Variants in LHPP observed in about 807,000 individuals in gnomAD.
The protein encoded by LHPP is phospholysine phosphohistidine inorganic pyrophosphate phosphatase, also known as hLHPP.
LHPP carries 24 observed loss-of-function variants against 30.3 expected under a neutral mutation model. That is an observed-to-expected ratio of 0.79 (90% CI 0.57 to 1.11). The LOEUF is 1.11. Ranked by LOEUF, LHPP falls within the 50% of genes most tolerant of loss-of-function variation. The pLI is 0.00. For synonymous variants in LHPP, 150 were observed against 157.1 expected (o/e 0.95, Z 0.34); for missense variants, 356 against 367.2 (o/e 0.97, Z 0.25).
chr10:124,501,741 C>T (rs1953906708), intron 5 of LHPP, among the ~76,000 whole-genome samples: 1 of 151,700 alleles, frequency 6.6e-6, no homozygotes, highest in South Asian at 2.1e-4. Flanking sequence ...TATTTTACCA[C>T]AATAAACATT....
chr10:124,539,493 G>T (rs1055460972), intron 6 of LHPP, among the ~76,000 whole-genome samples: 1 of 152,160 alleles, frequency 6.6e-6, no homozygotes, highest in African/African-American at 2.4e-5. Context: ...GGGCATGGTG[G>T]CTCATGCTTG....
chr10:124,502,828 C>T (rs976193469), intron 5 of LHPP, among the ~76,000 whole-genome samples: 2 of 151,260 alleles, frequency 1.3e-5, no homozygotes, highest in African/African-American at 2.5e-5. Flanking sequence ...AGGCACCTGC[C>T]ACCAAGCCCG....
chr10:124,511,629 CTA>C (rs1954300806), intron 5 of LHPP, among the ~76,000 whole-genome samples: 2 of 152,194 alleles, frequency 1.3e-5, no homozygotes, highest in South Asian at 4.1e-4. Flanking sequence ...CTCTGCTTGA[CTA>C]TGATACATGT....
intron 3 of LHPP, among the ~76,000 whole-genome samples, chr10:124,493,167 G>A (rs548587557): frequency 3.3e-5 from 5 of 151,636 alleles, no homozygotes; most frequent in South Asian, 2.1e-4. Flanking sequence ...TAATACCGCA[G>A]CAAATGTCAT....
rs964561104 is a variant in LHPP at position 124,546,942 on chromosome 10, A to G, written c.716+29671A>G. ...ACGCTGCTCTTTCACTATGGTTTTCATGTTTTCTGCACCTCTCCCGCTCTT... is the reference window on the plus strand; with the variant it reads ...ACGCTGCTCTTTCACTATGGTTTTCGTGTTTTCTGCACCTCTCCCGCTCTT... On this transcript the variant is annotated intron_variant, in intron 6 of 6. Transcript: ENST00000368842. Among the ~76,000 whole-genome samples the G allele has an allele frequency of 3.3e-5, 5 of 152,022 alleles. No individual in the cohort carries two copies. In the East Asian group the frequency reaches 9.6e-4, roughly 29 times the overall value.
chr10:124,497,786 A>G (rs929915948), intron 4 of LHPP, among the ~76,000 whole-genome samples: 3 of 152,120 alleles, frequency 2.0e-5, no homozygotes, highest in African/African-American at 7.2e-5. Flanking sequence ...CAGCTCTTGG[A>G]TGCCTTCTGC....
chr10:124,606,784 G>A (rs897256601), intron 6 of LHPP, among the ~76,000 whole-genome samples: 11 of 152,196 alleles, frequency 7.2e-5, no homozygotes, highest in African/African-American at 2.4e-4. Context: ...AGCCAGGCCC[G>A]TAGCCAGGGA....
intron 6 of LHPP, among the ~76,000 whole-genome samples, chr10:124,555,931 C>T (rs892337269): frequency 1.3e-5 from 2 of 151,872 alleles, no homozygotes; most frequent in African/African-American, 4.9e-5. Context: ...GTCACTGGCC[C>T]GAGGTCACAC....
At chr10:124,545,141 C>T (rs1015388517) in intron 6 of LHPP, among the ~76,000 whole-genome samples, 6 of 152,316 alleles carry the variant, frequency 3.9e-5, no homozygotes, top group South Asian at 4.1e-4. Context: ...CTGCTGGCCC[C>T]GAAGCCCCTT....
rs1305555597 is a variant in LHPP at position 124,523,201 on chromosome 10, GACAA to G, written c.716+5934_716+5937del. 6.6e-6 allele frequency among the ~76,000 whole-genome samples: 1 copy of G among 152,368 alleles called. No homozygotes were observed. The highest frequency in any genetic ancestry group is 2.1e-4 in the South Asian group (1 of 4,828). On this transcript the variant is annotated intron_variant, in intron 6 of 6. Transcript: ENST00000368842. The surrounding 1 kb of genome is among the most constrained non-coding windows in gnomAD (Gnocchi z 4.2). The stretch of plus-strand genomic sequence containing the variant: ...TGTTTTATAAGCCCCGAACGTTCTT[GACAA>G]ACAGTTTGCCCTTCGGAGAGGGAAA...
At chr10:124,474,771 G>A (rs1042851817) in intron 1 of LHPP, among the ~76,000 whole-genome samples, 1 of 152,108 alleles carries the variant, frequency 6.6e-6, no homozygotes, top group Non-Finnish European at 1.5e-5. Context: ...GCCAGTCACC[G>A]GGCGCTGCTG....
rs190435833 is a variant in LHPP at position 124,586,081 on chromosome 10, C to T, written c.717-27183C>T. Among the ~76,000 whole-genome samples, 737 of 152,258 alleles carry T rather than the reference C, an allele frequency of 4.8e-3. 8 individuals are homozygous for T. Among genetic ancestry groups the T allele is most frequent in the African/African-American group, 0.016 (677 of 41,572 alleles). The stretch of plus-strand genomic sequence containing the variant: ...TTACAGGCGTGAGCCACACTACACC[C>T]GGCCTAGATATGTTTCTAAAACAAC... On this transcript the variant is annotated intron_variant, in intron 6 of 6. Coordinates refer to ENST00000368842, the MANE Select transcript of LHPP (RefSeq NM_022126.4).
chr10:124,598,635 GTCCATCCATCCA>G (rs3083680), intron 6 of LHPP, among the ~76,000 whole-genome samples: 10 of 150,804 alleles, frequency 6.6e-5, no homozygotes, highest in African/African-American at 2.0e-4. Flanking sequence ...CCATCCGTCC[GTCCATCCATCCA>G]TCCATCCATC....
chr10:124,544,224 C>T (rs937175800), intron 6 of LHPP, among the ~76,000 whole-genome samples: 38 of 61,872 alleles, frequency 6.1e-4, no homozygotes, highest in African/African-American at 1.4e-3. Context: ...GGCCTCCGTC[C>T]GCCCCCATGC....
chr10:124,530,543 C>CG (rs1160156667), intron 6 of LHPP, among the ~76,000 whole-genome samples: 2 of 150,846 alleles, frequency 1.3e-5, no homozygotes, highest in East Asian at 2.0e-4. Context: ...CACACACACA[C>CG]ACACACATAT....
intron 6 of LHPP, among the ~76,000 whole-genome samples, chr10:124,562,959 A>C (rs1948419939): frequency 6.6e-6 from 1 of 151,730 alleles, no homozygotes; most frequent in Admixed American, 6.6e-5. Flanking sequence ...AAAAAAAAAG[A>C]ATGACTAAAA....
chr10:124,496,948 T>C lies in LHPP; in HGVS notation c.468-13T>C. 6.2e-7 allele frequency: 1 copy of C among 1,612,442 alleles called. No individual in the cohort carries two copies. The highest frequency in any genetic ancestry group is 8.5e-7 in the Non-Finnish European group (1 of 1,179,118). On this transcript the variant is annotated splice_polypyrimidine_tract_variant and intron_variant, in intron 3 of 6. Transcript: ENST00000368842. The surrounding 1 kb of genome is among the most constrained non-coding windows in gnomAD (Gnocchi z 4.3). The stretch of plus-strand genomic sequence containing the variant: ...GTGCTCAGCATCCCGTGCTCCGTTC[T>C]GCTCTCTCCTAGGCGTTACTACAAG...
intron 6 of LHPP, among the ~76,000 whole-genome samples, chr10:124,563,925 T>C (rs1948444299): frequency 6.6e-6 from 1 of 152,028 alleles, no homozygotes; most frequent in African/African-American, 2.4e-5. Flanking sequence ...GGAGTTGGAA[T>C]GGTTCATCAT....
chr10:124,607,448 A>G (rs1949110093), intron 6 of LHPP, among the ~76,000 whole-genome samples: 1 of 152,216 alleles, frequency 6.6e-6, no homozygotes, highest in African/African-American at 2.4e-5. Context: ...TGCTAATGCA[A>G]TCCTTTCTTT....
Sources: allele counts gnomAD v4.1 joint callset (sites outside exome capture counted in the v4.1 genomes callset), GRCh38; gene constraint gnomAD v4.1.1; non-coding constraint Gnocchi (gnomAD v3.1); transcripts MANE v1.5; gene names NCBI Gene and HGNC (gene_info 2026-07-23, HGNC 2026-07-21).